ADAM23: variants seen among roughly 807,000 people sequenced by gnomAD.
ADAM23 encodes ADAM metallopeptidase domain 23.
Under a neutral mutation model 120.1 loss-of-function variants are expected in ADAM23, and 33 were observed. That is an observed-to-expected ratio of 0.27 (90% CI 0.21 to 0.37). The LOEUF (loss-of-function observed/expected upper bound fraction) is 0.37, where lower values mean the gene tolerates loss of function less well. Ranked by LOEUF, ADAM23 falls within the 10% of genes least tolerant of loss-of-function variation. The probability of loss-of-function intolerance (pLI) is 1.00; values close to 1 mark genes in which losing one functional copy is unlikely to be tolerated. For synonymous variants in ADAM23, 367 were observed against 375.2 expected, an observed-to-expected ratio of 0.98 and a Z score of 0.25; for missense variants, 862 against 1,058.2, an observed-to-expected ratio of 0.81 and a Z score of 2.57.
intron 10 of ADAM23, among the ~76,000 whole-genome samples, chr2:206,558,205 A>G (rs1697684857): frequency 6.6e-6 from 1 of 152,220 alleles, no homozygotes; most frequent in Admixed American, 6.5e-5. Context: ...ATTATGTTCC[A>G]ATGAATATTT....
At chr2:206,585,024 T>G (rs1698296514) in intron 18 of ADAM23, among the ~76,000 whole-genome samples, 2 of 151,996 alleles carry the variant, frequency 1.3e-5, no homozygotes, top group Non-Finnish European at 2.9e-5. Context: ...CCAGCGGGGG[T>G]GTGTGTTCCC....
At position 206,443,762 on chromosome 2, in the gene ADAM23, C is replaced by A; in HGVS notation, c.-105C>A. On this transcript the variant is annotated 5_prime_UTR_variant, in exon 1 of 26. Coordinates refer to ENST00000264377, the MANE Select transcript of ADAM23 (RefSeq NM_003812.4). ...GCCCGGAGCCCCCTGCCCGCCGCGG[C>A]ACCATGCGCGCCGAGCCGGCGTGAC... The A allele has an allele frequency of 7.3e-6, 4 of 545,334 alleles. No individual in the cohort carries two copies. Among genetic ancestry groups the A allele is most frequent in the Non-Finnish European group, 9.3e-6 (4 of 428,094 alleles). 33.8% of individuals were successfully genotyped at this position (545,334 alleles called of 1,614,324 possible).
Position 206,443,799 on chromosome 2 carries a change from G to T in ADAM23, c.-68G>T, listed in dbSNP as rs1695010400. Reference sequence around the variant, plus strand: ...CGAGCCGGCGTGACCGGCTCCGCCCGCGGCCGCCCCGCAGCTAGCCCGGCG... The same window carrying T: ...CGAGCCGGCGTGACCGGCTCCGCCCTCGGCCGCCCCGCAGCTAGCCCGGCG... On this transcript the variant is annotated 5_prime_UTR_variant, in exon 1 of 26. Coordinates refer to ENST00000264377, the MANE Select transcript of ADAM23 (RefSeq NM_003812.4). 1.8e-5 allele frequency: 17 copies of T among 933,122 alleles called. No homozygotes were observed. The highest frequency in any genetic ancestry group is 2.2e-5 in the Non-Finnish European group (17 of 776,886). The allele number at this position is 933,122 out of a possible 1,614,324, so 57.8% of individuals were successfully genotyped here.
chr2:206,611,531 G>A (rs1269419412), intron 25 of ADAM23, among the ~76,000 whole-genome samples: 1 of 152,038 alleles, frequency 6.6e-6, no homozygotes, highest in Non-Finnish European at 1.5e-5. Context: ...TTTTTCATTA[G>A]TATGCCTCAA....
At chr2:206,588,223 T>G in intron 20 of ADAM23, 69 bp downstream of exon 20, 3 of 1,514,338 alleles carry the variant, frequency 2.0e-6, no homozygotes, top group Non-Finnish European at 2.7e-6. Flanking sequence ...TCTCTGCCAG[T>G]CTTGCTGAGA....
intron 10 of ADAM23, 146 bp downstream of exon 10, chr2:206,557,644 T>C: frequency 1.4e-6 from 1 of 740,708 alleles, no homozygotes; most frequent in Non-Finnish European, 2.3e-6. Context: ...GATGGTCCGC[T>C]TCACAGAGTA....
At chr2:206,568,144 C>G (rs1337274042) in intron 15 of ADAM23, among the ~76,000 whole-genome samples, 2 of 151,734 alleles carry the variant, frequency 1.3e-5, no homozygotes, top group African/African-American at 4.8e-5. Context: ...AGTGGTTTGT[C>G]CTCTTGGGAC....
At chr2:206,452,400 G>A (rs1048479877) in intron 2 of ADAM23, among the ~76,000 whole-genome samples, 2 of 152,144 alleles carry the variant, frequency 1.3e-5, no homozygotes, top group African/African-American at 4.8e-5. Context: ...TTCTGCTCAC[G>A]GGTTGACTCA....
intron 3 of ADAM23, among the ~76,000 whole-genome samples, chr2:206,508,185 A>G (rs1295244121): frequency 6.6e-6 from 1 of 151,642 alleles, no homozygotes; most frequent in South Asian, 2.1e-4. Flanking sequence ...ATCCACCACC[A>G]CGCCCAGCTA....
At chr2:206,463,985 C>G (rs1385455807) in intron 2 of ADAM23, among the ~76,000 whole-genome samples, 1 of 152,160 alleles carries the variant, frequency 6.6e-6, no homozygotes, top group Non-Finnish European at 1.5e-5. Context: ...AGAAAGAAAG[C>G]AATATTAAGC....
chr2:206,496,691 CA>C (rs1423994471), intron 3 of ADAM23, among the ~76,000 whole-genome samples: 5 of 152,148 alleles, frequency 3.3e-5, no homozygotes, highest in Admixed American at 6.5e-5. Flanking sequence ...AAAAACCCTT[CA>C]AAAAATCAAT....
At chr2:206,542,009 A>C in intron 4 of ADAM23, 43 bp from the exon 5 acceptor site, 1 of 1,593,800 alleles carries the variant, frequency 6.3e-7, no homozygotes, top group African/African-American at 1.3e-5. Flanking sequence ...AGAATTAATC[A>C]TAATGCATAA....
chr2:206,473,266 A>G (rs1695697989), intron 2 of ADAM23, among the ~76,000 whole-genome samples: 1 of 152,188 alleles, frequency 6.6e-6, no homozygotes, highest in African/African-American at 2.4e-5. Flanking sequence ...TATTAAATAA[A>G]TCCTAGAAGA....
At chr2:206,593,242 G>A (rs528280637) in intron 22 of ADAM23, among the ~76,000 whole-genome samples, 2 of 152,144 alleles carry the variant, frequency 1.3e-5, no homozygotes, top group Non-Finnish European at 2.9e-5. Flanking sequence ...GTGAGTACAA[G>A]GCATGTAGAT....
chr2:206,451,228 G>A (rs894838276), intron 2 of ADAM23, among the ~76,000 whole-genome samples: 1 of 152,194 alleles, frequency 6.6e-6, no homozygotes, highest in Non-Finnish European at 1.5e-5. Flanking sequence ...GTGAGTGCAA[G>A]AAGGGGAAAC....
chr2:206,577,805 A>G (rs1334659343), intron 18 of ADAM23, among the ~76,000 whole-genome samples: 1 of 151,706 alleles, frequency 6.6e-6, no homozygotes, highest in Admixed American at 6.6e-5. Context: ...GTCAAATGGT[A>G]TTTCTAGTTC....
At chr2:206,574,826 A>G (rs1054454183) in intron 18 of ADAM23, among the ~76,000 whole-genome samples, 2 of 152,142 alleles carry the variant, frequency 1.3e-5, no homozygotes, top group Non-Finnish European at 2.9e-5. Context: ...CCTTCTTTAC[A>G]TAATGTTTAT....
At chr2:206,518,811 G>A (rs543821864) in intron 3 of ADAM23, among the ~76,000 whole-genome samples, 2 of 152,260 alleles carry the variant, frequency 1.3e-5, no homozygotes, top group South Asian at 4.1e-4. Flanking sequence ...CAGCATATAG[G>A]CAATACGAAT....
intron 2 of ADAM23, among the ~76,000 whole-genome samples, chr2:206,464,324 C>T (rs775130993): frequency 5.3e-5 from 8 of 152,084 alleles, no homozygotes; most frequent in Non-Finnish European, 8.8e-5. Context: ...CCTGTAATCC[C>T]AGCACTTTGG....
Sources: gnomAD v4.1 joint callset for allele counts (sites outside exome capture counted in the v4.1 genomes callset) on GRCh38, gnomAD v4.1.1 for gene constraint, MANE v1.5 for transcripts, NCBI Gene and HGNC (gene_info 2026-07-23, HGNC 2026-07-21) for gene names.